Variants in ATP8A2 observed in about 807,000 individuals in gnomAD.
ATP8A2 encodes phospholipid-transporting ATPase IB.
In ATP8A2, 100 loss-of-function variants were observed where a neutral mutation model predicts 165.6. That is an observed-to-expected ratio of 0.60 (90% CI 0.51 to 0.71). The LOEUF (loss-of-function observed/expected upper bound fraction) is 0.71. Among genes scored for constraint, ATP8A2 ranks in the 30% least tolerant of loss-of-function variants. The pLI is 0.00. For synonymous variants in ATP8A2, 543 were observed against 548.8 expected (o/e 0.99, Z 0.15); for missense variants, 1,227 against 1,479.5 (o/e 0.83, Z 2.80).
chr13:25,889,818 G>GT (rs779502719), intron 33 of ATP8A2, among the ~76,000 whole-genome samples: 3 of 151,486 alleles, frequency 2.0e-5, no homozygotes, highest in Admixed American at 6.6e-5. Flanking sequence ...TGGTCTGAAG[G>GT]TTTTTTTTCC....
chr13:25,394,028 A>G (rs1018846706), intron 1 of ATP8A2, among the ~76,000 whole-genome samples: 3 of 152,212 alleles, frequency 2.0e-5, no homozygotes, highest in Non-Finnish European at 2.9e-5. Context: ...CTAGCTTTTG[A>G]TAGTTATTCT....
intron 30 of ATP8A2, among the ~76,000 whole-genome samples, chr13:25,858,861 A>G (rs1014326253): frequency 3.9e-5 from 6 of 152,188 alleles, no homozygotes; most frequent in African/African-American, 1.4e-4. Context: ...AGAGAACAAT[A>G]GATGCCGGAG....
intron 1 of ATP8A2, among the ~76,000 whole-genome samples, chr13:25,425,527 G>A (rs573865501): frequency 3.1e-4 from 33 of 105,752 alleles, no homozygotes; most frequent in Middle Eastern, 0.01. Context: ...CTTGCAAGAC[G>A]TCATAAATTT....
intron 32 of ATP8A2, among the ~76,000 whole-genome samples, chr13:25,862,090 G>T (rs1344524735): frequency 6.6e-6 from 1 of 152,088 alleles, no homozygotes; most frequent in Non-Finnish European, 1.5e-5. Context: ...CATCTTCAGG[G>T]TACTTTGGGG....
rs991819920 is a variant in ATP8A2, at chr13:25,953,448, T to G, written c.3184-8127T>G. Among the ~76,000 whole-genome samples the G allele has an allele frequency of 1.3e-5, 2 of 150,554 alleles. No individual in the cohort carries two copies. The highest frequency in any genetic ancestry group is 4.9e-5 in the African/African-American group (2 of 40,874). On this transcript the variant is annotated intron_variant, in intron 33 of 36. Coordinates refer to ENST00000381655, the MANE Select transcript of ATP8A2 (RefSeq NM_016529.6). This position sits in a 1 kb window ranked among gnomAD's most constrained non-coding sequence, Gnocchi z 6.7. ...TGAACTGTTGCTGCTCCACCTTTAT[T>G]ACATCTTTTCAAATCCACGCCACAT...
chr13:25,868,245 T>C (rs1175583667), intron 33 of ATP8A2: 6 of 384,164 alleles, frequency 1.6e-5, no homozygotes, highest in Non-Finnish European at 2.6e-5. Flanking sequence ...AAAATTACTT[T>C]AGCACTGCAA....
intron 24 of ATP8A2, among the ~76,000 whole-genome samples, chr13:25,603,055 G>A (rs544674048): frequency 5.3e-5 from 8 of 152,268 alleles, no homozygotes; most frequent in African/African-American, 1.9e-4. Flanking sequence ...CTGGGCAACA[G>A]AGTGAGACTC....
At chr13:25,798,548 T>C (rs1052117640) in intron 27 of ATP8A2, among the ~76,000 whole-genome samples, 3 of 152,182 alleles carry the variant, frequency 2.0e-5, no homozygotes, top group African/African-American at 7.2e-5. Flanking sequence ...CCTCAATAGA[T>C]AAAAACTATT....
At chr13:25,412,855 C>G (rs2034011590) in intron 1 of ATP8A2, among the ~76,000 whole-genome samples, 1 of 152,196 alleles carries the variant, frequency 6.6e-6, no homozygotes, top group Non-Finnish European at 1.5e-5. Flanking sequence ...GAGTCTTGCT[C>G]TGTTGCCCAG....
intron 27 of ATP8A2, among the ~76,000 whole-genome samples, chr13:25,785,568 C>T (rs192396260): frequency 6.6e-6 from 1 of 151,944 alleles, no homozygotes; most frequent in East Asian, 1.9e-4. Flanking sequence ...CTTTCTTTTG[C>T]CAGTAGAGAC....
intron 33 of ATP8A2, among the ~76,000 whole-genome samples, chr13:25,891,761 G>A (rs1406655243): frequency 6.6e-6 from 1 of 152,170 alleles, no homozygotes; most frequent in Non-Finnish European, 1.5e-5. Flanking sequence ...TTAAGTGTAT[G>A]AGTGTTTCAC....
intron 33 of ATP8A2, among the ~76,000 whole-genome samples, chr13:25,904,694 TC>T (rs1372943361): frequency 6.6e-6 from 1 of 152,194 alleles, no homozygotes; most frequent in Non-Finnish European, 1.5e-5. Context: ...TCTCTCTTTT[TC>T]CTCACATCTC....
intron 30 of ATP8A2, 138 bp downstream of exon 30, chr13:25,839,762 CATA>C: frequency 1.4e-6 from 1 of 700,042 alleles, no homozygotes; most frequent in Admixed American, 2.4e-5. Flanking sequence ...ATACCTAAAG[CATA>C]ATGAGAGCTA....
chr13:25,719,188 C>A (rs2043319164), intron 25 of ATP8A2, among the ~76,000 whole-genome samples: 1 of 152,286 alleles, frequency 6.6e-6, no homozygotes, highest in African/African-American at 2.4e-5. Flanking sequence ...TATTTCATTT[C>A]TTTGAAAATA....
Position 25,469,124 on chromosome 13 carries a change from A to G in ATP8A2, c.221+3A>G. ...AAATTCCGCGACAACCAGATCAGGT[A>G]GGAGAAGGCGGCCGGCTCGCGCGGA... On this transcript the variant is annotated splice_donor_region_variant and intron_variant, in intron 2 of 36. Transcript: ENST00000381655. The G allele has an allele frequency of 1.2e-6, 2 of 1,613,714 alleles. No individual in the cohort carries two copies. Among genetic ancestry groups the G allele is most frequent in the Non-Finnish European group, 8.5e-7 (1 of 1,179,718 alleles).
chr13:25,460,623 G>A (rs147821701), intron 1 of ATP8A2, among the ~76,000 whole-genome samples: 1,782 of 152,168 alleles, frequency 0.012, 19 homozygotes, highest in Non-Finnish European at 0.021. Context: ...GTATAAAATG[G>A]GTTTTGAGGA....
At chr13:25,689,275 C>T (rs1008653896) in intron 24 of ATP8A2, among the ~76,000 whole-genome samples, 3 of 152,176 alleles carry the variant, frequency 2.0e-5, no homozygotes, top group African/African-American at 7.2e-5. Context: ...ATGACTATAC[C>T]GCTTATGTGC....
chr13:25,839,466 C>T, intron 29 of ATP8A2, 80 bp from the exon 30 acceptor site: 1 of 960,288 alleles, frequency 1.0e-6, no homozygotes, highest in Admixed American at 1.7e-5. Context: ...GGATCCTTCA[C>T]AATGTGGCGT....
At chr13:25,893,207 C>T (rs1490984624) in intron 33 of ATP8A2, among the ~76,000 whole-genome samples, 4 of 120,004 alleles carry the variant, frequency 3.3e-5, no homozygotes, top group Non-Finnish European at 6.9e-5. Context: ...CCCCTCCCCC[C>T]ACCCCACAAC....
Sources: gnomAD v4.1 joint callset for allele counts (sites outside exome capture counted in the v4.1 genomes callset) on GRCh38, gnomAD v4.1.1 for gene constraint, Gnocchi (gnomAD v3.1) non-coding constraint, MANE v1.5 for transcripts, NCBI Gene and HGNC (gene_info 2026-07-23, HGNC 2026-07-21) for gene names.